SWAP70: variants seen among roughly 807,000 people sequenced by gnomAD.
SWAP70 encodes switching B cell complex subunit SWAP70.
In SWAP70, 34 loss-of-function variants were observed where a neutral mutation model predicts 80.2. The ratio of observed to expected loss-of-function variants is 0.42; its 90% CI spans 0.32 to 0.56. The LOEUF is 0.56. Among genes scored for constraint, SWAP70 ranks in the 20% least tolerant of loss-of-function variants. SWAP70 has a pLI of 0.09. For missense variants in SWAP70, 578 were observed against 690.7 expected (o/e 0.84, Z 1.83); for synonymous variants, 239 against 238.5 (o/e 1.00, Z -0.02).
intron 1 of SWAP70, among the ~76,000 whole-genome samples, chr11:9,682,330 G>T (rs7932792): frequency 0.86 from 131,013 of 152,174 alleles, 57,602 homozygotes; most frequent in Middle Eastern, 0.96. Flanking sequence ...AAAAGAGATA[G>T]AAGAAGAGAC....
chr11:9,740,613 A>G (rs1164879855), intron 9 of SWAP70: 2 of 469,618 alleles, frequency 4.3e-6, no homozygotes, highest in South Asian at 4.2e-5. Context: ...TTGATGAGGT[A>G]CCCTTAGTCT....
chr11:9,734,624 C>T (rs975220304), intron 7 of SWAP70, among the ~76,000 whole-genome samples: 2 of 152,096 alleles, frequency 1.3e-5, no homozygotes, highest in African/African-American at 4.8e-5. Flanking sequence ...AAAAAAACAG[C>T]TTAGATGAAT....
intron 1 of SWAP70, among the ~76,000 whole-genome samples, chr11:9,668,466 G>T (rs10840285): frequency 0.51 from 77,526 of 152,062 alleles, 22,501 homozygotes; most frequent in South Asian, 0.69. Flanking sequence ...AGTGTTCGTA[G>T]AATTGAAAAT....
At chr11:9,675,141 A>G (rs1352157037) in intron 1 of SWAP70, among the ~76,000 whole-genome samples, 2 of 152,060 alleles carry the variant, frequency 1.3e-5, no homozygotes, top group African/African-American at 2.4e-5. Context: ...TTAAAAAGTT[A>G]GAGAGGTATG....
chr11:9,684,841 G>A (rs1415039481), intron 1 of SWAP70, among the ~76,000 whole-genome samples: 3 of 152,178 alleles, frequency 2.0e-5, no homozygotes, highest in African/African-American at 7.2e-5. Flanking sequence ...GACTAATTTA[G>A]CAAACATTTG....
Position 9,725,534 on chromosome 11 carries a change from T to A in SWAP70, c.642+649T>A, listed in dbSNP as rs1379416133. ...CTGTCTGTATTAAAAATACAAAATA[T>A]ATATATATATATATATATATATATA... On this transcript the variant is annotated intron_variant, in intron 4 of 11. Coordinates refer to ENST00000318950, the MANE Select transcript of SWAP70 (RefSeq NM_015055.4). Among the ~76,000 whole-genome samples, 75 of 27,696 alleles carry A rather than the reference T, an allele frequency of 2.7e-3. 2 individuals are homozygous for A. The highest frequency in any genetic ancestry group is 0.011 in the African/African-American group (68 of 5,982). 18.2% of individuals were successfully genotyped at this position (27,696 alleles called of 152,430 possible). A position where few individuals can be genotyped will look rare whatever the true frequency, so the allele number is the denominator to read the frequency against.
chr11:9,694,383 A>C, intron 2 of SWAP70, 97 bp downstream of exon 2: 1 of 1,321,408 alleles, frequency 7.6e-7, no homozygotes, highest in Non-Finnish European at 1.0e-6. Flanking sequence ...TAAGGAGTTG[A>C]GGTACAAAGA....
chr11:9,737,960 G>C (rs3817010), intron 7 of SWAP70, among the ~76,000 whole-genome samples: 1 of 152,096 alleles, frequency 6.6e-6, no homozygotes, highest in Admixed American at 6.5e-5. Flanking sequence ...TTCAATGACT[G>C]TACTAAAACT....
rs114869778 is a variant in SWAP70 at position 9,709,543 on chromosome 11, G to A, written c.241-3923G>A. On this transcript the variant is annotated intron_variant, in intron 2 of 11. Transcript: ENST00000318950. ...ATCCAAGTATAACTTTTTTTTTTGA[G>A]ACAGAATCTCTCACTTTGTCACCTA... 8.9e-3 allele frequency among the ~76,000 whole-genome samples: 1,356 copies of A among 151,580 alleles called. 10 individuals are homozygous for A. Among genetic ancestry groups the A allele is most frequent in the African/African-American group, 0.015 (628 of 41,368 alleles).
intron 3 of SWAP70, among the ~76,000 whole-genome samples, chr11:9,719,632 G>A (rs2133801360): frequency 6.6e-6 from 1 of 152,370 alleles, no homozygotes. Context: ...GACTTACATA[G>A]TGAAGTTAAG....
At chr11:9,706,747 A>G (rs1329857207) in intron 2 of SWAP70, among the ~76,000 whole-genome samples, 1 of 152,122 alleles carries the variant, frequency 6.6e-6, no homozygotes, top group African/African-American at 2.4e-5. Flanking sequence ...TTCACTGGAC[A>G]TTATATAATT....
At chr11:9,748,530 G>A (rs1434886953) in intron 10 of SWAP70, among the ~76,000 whole-genome samples, 2 of 152,198 alleles carry the variant, frequency 1.3e-5, no homozygotes, top group African/African-American at 4.8e-5. Flanking sequence ...TCACTGGGAG[G>A]CCACCGGCAA....
intron 2 of SWAP70, among the ~76,000 whole-genome samples, chr11:9,696,638 A>G (rs1173336607): frequency 6.6e-6 from 1 of 152,172 alleles, no homozygotes; most frequent in African/African-American, 2.4e-5. Context: ...TGTGACCAGT[A>G]GGATATAAGC....
At chr11:9,714,917 A>G (rs2133797709) in intron 3 of SWAP70, among the ~76,000 whole-genome samples, 1 of 142,678 alleles carries the variant, frequency 7.0e-6, no homozygotes, top group South Asian at 2.2e-4. Context: ...GGTTCAAATG[A>G]TTCTGCACCC....
intron 1 of SWAP70, among the ~76,000 whole-genome samples, chr11:9,677,026 G>A (rs1311030963): frequency 7.3e-5 from 11 of 151,708 alleles, no homozygotes; most frequent in Admixed American, 3.9e-4. Flanking sequence ...CGAGGGATAC[G>A]GAGGGCCAAC....
At position 9,707,594 on chromosome 11, in the gene SWAP70, C is replaced by T. The variant is rs563027284; in HGVS notation, c.241-5872C>T. ...TTTTTGAGACAGAGTCTCACCCTGT[C>T]GCTCAGGCTGGAGTGTAGTGGTGCG... is the stretch of plus-strand genomic sequence containing the variant. On this transcript the variant is annotated intron_variant, in intron 2 of 11. Transcript: ENST00000318950. 4.2e-5 allele frequency among the ~76,000 whole-genome samples: 6 copies of T among 141,704 alleles called. No homozygotes were observed. The South Asian group carries it at 6.6e-4, about 16-fold the overall frequency. The allele number at this position is 141,704 out of a possible 152,430, so 93.0% of individuals were successfully genotyped here. A position where few individuals can be genotyped will look rare whatever the true frequency, so the allele number is the denominator to read the frequency against.
intron 1 of SWAP70, among the ~76,000 whole-genome samples, chr11:9,676,621 A>C (rs1850503733): frequency 6.6e-6 from 1 of 151,558 alleles, no homozygotes; most frequent in African/African-American, 2.4e-5. Context: ...CAGGAAGAAA[A>C]GTTTGCCCAT....
intron 6 of SWAP70, among the ~76,000 whole-genome samples, chr11:9,732,240 A>G (rs922681665): frequency 7.2e-5 from 11 of 152,002 alleles, no homozygotes; most frequent in African/African-American, 2.7e-4. Context: ...GCACAGATAC[A>G]GTTAACAGAA....
At chr11:9,727,369 C>T (rs1039797634) in intron 4 of SWAP70, among the ~76,000 whole-genome samples, 2 of 151,972 alleles carry the variant, frequency 1.3e-5, no homozygotes, top group South Asian at 2.1e-4. Flanking sequence ...CCAGCCTGGG[C>T]GACAGAGCGA....
Sources: gnomAD v4.1 joint callset for allele counts (sites outside exome capture counted in the v4.1 genomes callset) on GRCh38, gnomAD v4.1.1 for gene constraint, MANE v1.5 for transcripts, NCBI Gene and HGNC (gene_info 2026-07-23, HGNC 2026-07-21) for gene names.